Variants in HDAC9 observed in about 807,000 individuals in gnomAD.
HDAC9 encodes MEF-2 interacting transcription repressor (MITR) protein.
In HDAC9, 41 loss-of-function variants were observed where a neutral mutation model predicts 139.4. That is an observed-to-expected ratio of 0.29 (90% CI 0.23 to 0.38). HDAC9 has a LOEUF of 0.38. HDAC9 is among the 10% of genes least tolerant of loss of function. The pLI is 1.00. For synonymous variants in HDAC9, 517 were observed against 476.2 expected, an observed-to-expected ratio of 1.09 and a Z score of -1.12; for missense variants, 1,147 against 1,297.0, an observed-to-expected ratio of 0.88 and a Z score of 1.78.
chr7:18,228,894 G>A (rs1034413541), intron 2 of HDAC9, among the ~76,000 whole-genome samples: 5 of 152,136 alleles, frequency 3.3e-5, no homozygotes, highest in Non-Finnish European at 7.4e-5. Context: ...ACAGTCGTGT[G>A]AGCCTGTCAT....
chr7:18,736,485 G>A (rs544174651), intron 13 of HDAC9, among the ~76,000 whole-genome samples: 110 of 152,168 alleles, frequency 7.2e-4, no homozygotes, highest in African/African-American at 2.5e-3. Flanking sequence ...TGCATCTATT[G>A]AGATAATGAT....
At chr7:18,525,222 A>G (rs546616095) in intron 2 of HDAC9, among the ~76,000 whole-genome samples, 10 of 152,236 alleles carry the variant, frequency 6.6e-5, no homozygotes, top group Middle Eastern at 6.8e-3. Context: ...TTGACAGCTG[A>G]AAAAACATGT....
chr7:18,798,097 A>G (rs930095973), intron 17 of HDAC9, among the ~76,000 whole-genome samples: 1 of 151,972 alleles, frequency 6.6e-6, no homozygotes, highest in African/African-American at 2.4e-5. Flanking sequence ...GCTTTTTTGA[A>G]TAATGCTATA....
chr7:18,120,176 A>C (rs1031774515), intron 1 of HDAC9, among the ~76,000 whole-genome samples: 2 of 152,146 alleles, frequency 1.3e-5, no homozygotes, highest in African/African-American at 4.8e-5. Context: ...GAGACATCAC[A>C]ACAGAAGGGA....
At chr7:18,365,472 T>C (rs78866104) in intron 1 of HDAC9, among the ~76,000 whole-genome samples, 1,606 of 152,186 alleles carry the variant, frequency 0.011, 14 homozygotes, top group East Asian at 0.04. Flanking sequence ...ATGAAATTAT[T>C]GAGTAGAAAT....
At chr7:18,603,602 C>G (rs950835220) in intron 6 of HDAC9, among the ~76,000 whole-genome samples, 1 of 151,924 alleles carries the variant, frequency 6.6e-6, no homozygotes, top group Non-Finnish European at 1.5e-5. Flanking sequence ...CCCTTTTATT[C>G]TTTATATTGC....
chr7:18,662,046 G>C (rs1340362432), intron 11 of HDAC9, among the ~76,000 whole-genome samples: 1 of 152,020 alleles, frequency 6.6e-6, no homozygotes, highest in Non-Finnish European at 1.5e-5. Flanking sequence ...GGAAACTCAG[G>C]GGTTTGTTAA....
intron 1 of HDAC9, among the ~76,000 whole-genome samples, chr7:18,471,243 T>G (rs548154923): frequency 6.6e-6 from 1 of 152,176 alleles, no homozygotes; most frequent in Admixed American, 6.6e-5. Context: ...GTGTAATGAA[T>G]GAATACACAT....
At chr7:18,763,672 C>T (rs1247153854) in intron 15 of HDAC9, among the ~76,000 whole-genome samples, 1 of 152,048 alleles carries the variant, frequency 6.6e-6, no homozygotes, top group Non-Finnish European at 1.5e-5. Flanking sequence ...AATAACCCTA[C>T]CCAACTAACC....
At chr7:18,424,754 C>CA (rs1054957079) in intron 1 of HDAC9, among the ~76,000 whole-genome samples, 7 of 151,874 alleles carry the variant, frequency 4.6e-5, no homozygotes, top group African/African-American at 9.7e-5. Flanking sequence ...ACTAAAAATG[C>CA]AAAAAAATCA....
chr7:18,108,901 G>C (rs1783419086), intron 1 of HDAC9, among the ~76,000 whole-genome samples: 3 of 152,120 alleles, frequency 2.0e-5, no homozygotes. Context: ...TTACAGGTGT[G>C]AGCCACTGCG....
At chr7:18,619,835 C>T (rs1488015134) in intron 6 of HDAC9, among the ~76,000 whole-genome samples, 5 of 152,136 alleles carry the variant, frequency 3.3e-5, no homozygotes, top group African/African-American at 4.8e-5. Context: ...TGCCCTTGGA[C>T]GTGGTTATTT....
chr7:18,864,907 A>G (rs529031011), intron 21 of HDAC9, among the ~76,000 whole-genome samples: 1 of 152,346 alleles, frequency 6.6e-6, no homozygotes, highest in Non-Finnish European at 1.5e-5. Flanking sequence ...TGGTTAAAGT[A>G]GTACATTTTA....
At chr7:18,509,343 G>A in intron 2 of HDAC9, 3 of 985,448 alleles carry the variant, frequency 3.0e-6, no homozygotes, top group Non-Finnish European at 3.6e-6. Context: ...AGAACCAGGG[G>A]AAGACTGTCA....
At chr7:18,381,761 A>G (rs1384866055) in intron 1 of HDAC9, among the ~76,000 whole-genome samples, 2 of 152,186 alleles carry the variant, frequency 1.3e-5, no homozygotes, top group African/African-American at 4.8e-5. Flanking sequence ...GTTGAAGAGT[A>G]TATTTTAGGA....
chr7:18,809,424 T>C (rs1323711827), intron 17 of HDAC9, among the ~76,000 whole-genome samples: 1 of 151,978 alleles, frequency 6.6e-6, no homozygotes, highest in Non-Finnish European at 1.5e-5. Flanking sequence ...AGAAAATAGT[T>C]ACAAACCATA....
intron 1 of HDAC9, among the ~76,000 whole-genome samples, chr7:18,105,736 C>T (rs868688356): frequency 9.9e-5 from 15 of 151,772 alleles, no homozygotes; most frequent in Admixed American, 1.3e-4. Context: ...TAGGTATACA[C>T]CCAAAAGAAT....
intron 2 of HDAC9, among the ~76,000 whole-genome samples, chr7:18,260,323 G>GTTTTTTTTTTTTT (rs368857394): frequency 4.3e-5 from 5 of 115,640 alleles, no homozygotes; most frequent in African/African-American, 9.4e-5. Context: ...TTTTTTTTTT[G>GTTTTTTTTTTTTT]TTTTTTTTTT....
intron 2 of HDAC9, among the ~76,000 whole-genome samples, chr7:18,507,463 A>C (rs1026879386): frequency 6.6e-6 from 1 of 151,392 alleles, no homozygotes; most frequent in African/African-American, 2.4e-5. Flanking sequence ...AAAGTGCTGG[A>C]ATTACAGGCG....
Sources: allele counts gnomAD v4.1 joint callset (sites outside exome capture counted in the v4.1 genomes callset), GRCh38; gene constraint gnomAD v4.1.1; transcripts MANE v1.5; gene names NCBI Gene and HGNC (gene_info 2026-07-23, HGNC 2026-07-21).